Variants in CLVS1 observed in about 807,000 individuals in gnomAD.
CLVS1 encodes clavesin 1, also known as clavesin-1.
CLVS1 carries 10 observed loss-of-function variants against 33.1 expected under a neutral mutation model. The ratio of observed to expected loss-of-function variants is 0.30; its 90% confidence interval spans 0.19 to 0.51. The LOEUF (loss-of-function observed/expected upper bound fraction) is 0.51. Ranked by LOEUF, CLVS1 falls within the 20% of genes least tolerant of loss-of-function variation. CLVS1 has a pLI of 0.97. For synonymous variants in CLVS1, 163 were observed against 166.1 expected (o/e 0.98, Z 0.14); for missense variants, 343 against 433.4 (o/e 0.79, Z 1.85).
upstream of CLVS1, among the ~76,000 whole-genome samples, chr8:61,284,757 G>A (rs1809742428): frequency 6.6e-6 from 1 of 152,118 alleles, no homozygotes; most frequent in South Asian, 2.1e-4. Flanking sequence ...AAGCATTTGA[G>A]GCAAAGTCTG....
At chr8:61,165,590 G>C (rs985050002) in intron 2 of CLVS1, among the ~76,000 whole-genome samples, 1 of 152,192 alleles carries the variant, frequency 6.6e-6, no homozygotes, top group Non-Finnish European at 1.5e-5. Flanking sequence ...TTCCCAACTA[G>C]GCTTAGGGAT....
intron 2 of CLVS1, among the ~76,000 whole-genome samples, chr8:61,322,291 G>A (rs867106972): frequency 6.6e-6 from 1 of 152,176 alleles, no homozygotes; most frequent in South Asian, 2.1e-4. Flanking sequence ...TGGAAATATG[G>A]TAGATCCCTT....
At chr8:61,409,970 T>G (rs1043153411) in intron 3 of CLVS1, among the ~76,000 whole-genome samples, 1 of 151,886 alleles carries the variant, frequency 6.6e-6, no homozygotes, top group African/African-American at 2.4e-5. Context: ...TTTTATTATG[T>G]TTTTCTTAAC....
At chr8:61,170,656 C>T (rs1257824500) in intron 2 of CLVS1, among the ~76,000 whole-genome samples, 2 of 152,200 alleles carry the variant, frequency 1.3e-5, no homozygotes, top group Non-Finnish European at 2.9e-5. Flanking sequence ...TGAGCCTTGA[C>T]ATCCTTACTG....
chr8:61,263,267 C>T (rs1207934914), intron 2 of CLVS1, among the ~76,000 whole-genome samples: 1 of 152,108 alleles, frequency 6.6e-6, no homozygotes, highest in Non-Finnish European at 1.5e-5. Flanking sequence ...TATTTTTTAC[C>T]CCCATGCTTT....
chr8:61,476,241 A>G (rs7823244), intron 5 of CLVS1, among the ~76,000 whole-genome samples: 86,600 of 152,010 alleles, frequency 0.57, 28,252 homozygotes, highest in Non-Finnish European at 0.72. Context: ...GATGCCTCCA[A>G]CTTTGTTCTT....
intron 1 of CLVS1, among the ~76,000 whole-genome samples, chr8:61,108,228 A>C (rs1805571737): frequency 6.6e-6 from 1 of 151,718 alleles, no homozygotes; most frequent in Non-Finnish European, 1.5e-5. Flanking sequence ...AAAAAAAAAA[A>C]AAAAAACCAT....
chr8:61,382,014 T>C (rs10090149), intron 3 of CLVS1, among the ~76,000 whole-genome samples: 6,939 of 152,258 alleles, frequency 0.046, 325 homozygotes, highest in African/African-American at 0.12. Flanking sequence ...CATCTCTTTT[T>C]TAATACTCCT....
the CLVS1 span, chr8:60,966,249 G>A: frequency 2.5e-6 from 1 of 393,000 alleles, no homozygotes; most frequent in African/African-American, 2.1e-5. Flanking sequence ...TGAGTCTGAA[G>A]CTTGAAATGG....
At chr8:61,455,233 C>T (rs1817107592) in intron 4 of CLVS1, among the ~76,000 whole-genome samples, 2 of 150,854 alleles carry the variant, frequency 1.3e-5, no homozygotes, top group Non-Finnish European at 3.0e-5. Context: ...AAGATCTACT[C>T]AGCCAATTTC....
At chr8:61,036,203 C>G in the CLVS1 span, among the ~76,000 whole-genome samples, 4 of 152,208 alleles carry the variant, frequency 2.6e-5, no homozygotes, top group Admixed American at 2.6e-4. Context: ...GTTCCCCTAC[C>G]TACCAAGGAA....
At chr8:61,187,807 T>C (rs562397554) in intron 2 of CLVS1, among the ~76,000 whole-genome samples, 2 of 149,794 alleles carry the variant, frequency 1.3e-5, no homozygotes, top group African/African-American at 4.9e-5. Flanking sequence ...TATACATAGA[T>C]TATATATAAT....
At chr8:61,178,079 C>T (rs1337705995) in intron 2 of CLVS1, among the ~76,000 whole-genome samples, 1 of 152,022 alleles carries the variant, frequency 6.6e-6, no homozygotes, top group Non-Finnish European at 1.5e-5. Flanking sequence ...TAACTCAACG[C>T]AAAGAAGCTA....
intron 2 of CLVS1, among the ~76,000 whole-genome samples, chr8:61,207,033 G>T (rs746100918): frequency 1.2e-4 from 18 of 152,328 alleles, no homozygotes; most frequent in South Asian, 1.0e-3. Context: ...GGAGACATTT[G>T]ATGAATGAAT....
intron 2 of CLVS1, among the ~76,000 whole-genome samples, chr8:61,216,088 G>A (rs1808079412): frequency 6.6e-6 from 1 of 152,194 alleles, no homozygotes; most frequent in African/African-American, 2.4e-5. Context: ...CTCCTAGACT[G>A]CCTTGGGGAT....
chr8:61,114,947 C>G (rs191571624), intron 1 of CLVS1, among the ~76,000 whole-genome samples: 5 of 152,318 alleles, frequency 3.3e-5, no homozygotes, highest in Non-Finnish European at 5.9e-5. Flanking sequence ...TCTTGAAGCT[C>G]TGAGAAGTAC....
chr8:61,052,855 A>G (rs1400385778), upstream of CLVS1, among the ~76,000 whole-genome samples: 1 of 152,182 alleles, frequency 6.6e-6, no homozygotes, highest in Non-Finnish European at 1.5e-5. Flanking sequence ...ATGAGAGAAC[A>G]CCAAAAGAGG....
the CLVS1 span, among the ~76,000 whole-genome samples, chr8:61,049,752 A>T: frequency 2.0e-5 from 3 of 152,172 alleles, no homozygotes; most frequent in Non-Finnish European, 4.4e-5. Flanking sequence ...ATAATTATAG[A>T]TCCTTTGGTT....
At chr8:61,202,976 G>C (rs1483345837) in intron 2 of CLVS1, 4 of 1,464,182 alleles carry the variant, frequency 2.7e-6, no homozygotes, top group Non-Finnish European at 3.8e-6. Flanking sequence ...AATCAGAATG[G>C]AAAAGACTCA....
Sources: gnomAD v4.1 joint callset for allele counts (sites outside exome capture counted in the v4.1 genomes callset) on GRCh38, gnomAD v4.1.1 for gene constraint, MANE v1.5 for transcripts, NCBI Gene and HGNC (gene_info 2026-07-23, HGNC 2026-07-21) for gene names.